The following UNC13C variants were observed in gnomAD, a reference collection of about 807,000 sequenced individuals.
The protein encoded by UNC13C is unc-13 homolog C.
In UNC13C, 174 loss-of-function variants were observed where a neutral mutation model predicts 245.4. The ratio of observed to expected loss-of-function variants is 0.71; its 90% confidence interval spans 0.63 to 0.80. UNC13C has a LOEUF of 0.80. UNC13C is among the 30% of genes least tolerant of loss of function. The pLI is 0.00. For missense variants in UNC13C, 2,829 were observed against 2,602.9 expected (o/e 1.09, Z -1.89); for synonymous variants, 992 against 895.1 (o/e 1.11, Z -1.93).
rs2040489044 is a variant in UNC13C at position 54,414,931 on chromosome 15, T to A, written c.4848-51T>A. 6.2e-6 allele frequency: 9 copies of A among 1,455,454 alleles called. No homozygotes were observed. In the Admixed American group the frequency reaches 1.5e-4, roughly 24 times the overall value. The allele number at this position is 1,455,454 out of a possible 1,614,324, so 90.2% of individuals were successfully genotyped here. A position where few individuals can be genotyped will look rare whatever the true frequency, so the allele number is the denominator to read the frequency against. On this transcript the variant is annotated intron_variant, in intron 18 of 32. Coordinates refer to ENST00000260323, the MANE Select transcript of UNC13C (RefSeq NM_001080534.3). The stretch of plus-strand genomic sequence containing the variant: ...ATATGTAAAATGCTGTATTTTGGTT[T>A]TTAGGCATGCTTTTCTTCTTCATAC...
At chr15:54,518,301 A>T (rs879733740) in intron 24 of UNC13C, among the ~76,000 whole-genome samples, 1 of 152,178 alleles carries the variant, frequency 6.6e-6, no homozygotes, top group African/African-American at 2.4e-5. Flanking sequence ...TTGGCGAGCC[A>T]TGTCAAAATG....
intron 2 of UNC13C, among the ~76,000 whole-genome samples, chr15:54,081,354 C>T (rs555552072): frequency 1.3e-5 from 2 of 152,066 alleles, no homozygotes; most frequent in South Asian, 4.1e-4. Flanking sequence ...TTAGCTTATG[C>T]TTTGATTATC....
At chr15:54,190,530 C>A (rs2034148818) in intron 4 of UNC13C, among the ~76,000 whole-genome samples, 1 of 151,878 alleles carries the variant, frequency 6.6e-6, no homozygotes, top group Admixed American at 6.6e-5. Flanking sequence ...CATTCTTCAC[C>A]CTTTTTTCAG....
chr15:54,119,137 T>G (rs2030486629), intron 2 of UNC13C, among the ~76,000 whole-genome samples: 1 of 152,086 alleles, frequency 6.6e-6, no homozygotes, highest in Admixed American at 6.6e-5. Context: ...GGTCCTGGGC[T>G]TTTCTTTGAT....
chr15:54,392,365 CTT>C (rs2039976935), intron 17 of UNC13C, among the ~76,000 whole-genome samples: 1 of 151,840 alleles, frequency 6.6e-6, no homozygotes, highest in East Asian at 1.9e-4. Flanking sequence ...GAGTTGAAGA[CTT>C]TGAGCAGTGT....
At chr15:54,548,827 A>C (rs1194676522) in intron 27 of UNC13C, among the ~76,000 whole-genome samples, 1 of 152,184 alleles carries the variant, frequency 6.6e-6, no homozygotes, top group Non-Finnish European at 1.5e-5. Flanking sequence ...TCATTCATTA[A>C]ATAAATATTC....
At chr15:54,396,510 T>TA (rs2040072930) in intron 18 of UNC13C, among the ~76,000 whole-genome samples, 2 of 151,790 alleles carry the variant, frequency 1.3e-5, no homozygotes, top group South Asian at 4.1e-4. Context: ...TACCACAATA[T>TA]GTTTATTCAT....
the UNC13C span, among the ~76,000 whole-genome samples, chr15:53,920,276 TAAA>T: frequency 3.3e-5 from 5 of 152,132 alleles, no homozygotes; most frequent in African/African-American, 1.2e-4. Context: ...GTCATCAACT[TAAA>T]AAAGCAGAAT....
the UNC13C span, among the ~76,000 whole-genome samples, chr15:53,928,193 G>A: frequency 6.6e-6 from 1 of 152,152 alleles, no homozygotes; most frequent in African/African-American, 2.4e-5. Context: ...GCCCCGAACA[G>A]AGATATACCC....
chr15:54,399,347 G>A (rs1005804089), intron 18 of UNC13C, among the ~76,000 whole-genome samples: 2 of 151,674 alleles, frequency 1.3e-5, no homozygotes, highest in African/African-American at 2.4e-5. Context: ...AATACATAAT[G>A]TAGAGAAGTT....
At chr15:54,273,793 T>G (rs2036756170) in intron 10 of UNC13C, among the ~76,000 whole-genome samples, 1 of 152,132 alleles carries the variant, frequency 6.6e-6, no homozygotes, top group South Asian at 2.1e-4. Context: ...GTTCATTCCC[T>G]CACTTCTTGG....
At chr15:54,387,576 C>G (rs2039865509) in intron 17 of UNC13C, among the ~76,000 whole-genome samples, 2 of 152,046 alleles carry the variant, frequency 1.3e-5, no homozygotes, top group African/African-American at 4.8e-5. Flanking sequence ...AGAACAAGTC[C>G]TGCTGATCTC....
chr15:54,038,105 T>C (rs1268059465), intron 2 of UNC13C, among the ~76,000 whole-genome samples: 4 of 41,068 alleles, frequency 9.7e-5, no homozygotes, highest in Admixed American at 8.3e-4. Context: ...TATACATATA[T>C]ATATATATAT....
At position 54,090,143 on chromosome 15, in the gene UNC13C, T is replaced by G. The variant is rs920712893; in HGVS notation, c.2984-52875T>G. Among the ~76,000 whole-genome samples, 8 of 152,304 alleles carry G rather than the reference T, an allele frequency of 5.3e-5. No individual in the cohort carries two copies. In the Middle Eastern group the frequency reaches 0.01, roughly 194 times the overall value. ...ATAATTTTGTGCTTGCCAAAGGGAA[T>G]CAGCTTCCTGAAAATGGAACCACTT... On this transcript the variant is annotated intron_variant, in intron 2 of 32. Transcript: ENST00000260323.
At chr15:54,460,633 A>G (rs1041219238) in intron 19 of UNC13C, among the ~76,000 whole-genome samples, 3 of 152,246 alleles carry the variant, frequency 2.0e-5, no homozygotes, top group Non-Finnish European at 2.9e-5. Flanking sequence ...GGCAATGGGC[A>G]GGGTCATAGA....
At chr15:54,002,178 C>G (rs1384818263) in intron 1 of UNC13C, among the ~76,000 whole-genome samples, 1 of 151,914 alleles carries the variant, frequency 6.6e-6, no homozygotes, top group African/African-American at 2.4e-5. Flanking sequence ...CCCAGCTACT[C>G]GGGAGGCTGA....
intron 19 of UNC13C, among the ~76,000 whole-genome samples, chr15:54,462,832 G>T (rs1302038631): frequency 6.6e-6 from 1 of 152,178 alleles, no homozygotes; most frequent in Non-Finnish European, 1.5e-5. Context: ...GGGCTGAGGA[G>T]TGCAGGCATG....
chr15:54,211,585 C>A (rs1244404438), intron 4 of UNC13C, among the ~76,000 whole-genome samples: 1 of 151,986 alleles, frequency 6.6e-6, no homozygotes, highest in African/African-American at 2.4e-5. Flanking sequence ...TCATCTAGAA[C>A]CGTGGGCTAG....
chr15:54,027,125 G>T (rs1312378396), intron 2 of UNC13C, among the ~76,000 whole-genome samples: 1 of 150,484 alleles, frequency 6.6e-6, no homozygotes, highest in Non-Finnish European at 1.5e-5. Flanking sequence ...AATAGCATGA[G>T]CCACGTTCTA....
Sources: allele counts gnomAD v4.1 joint callset (sites outside exome capture counted in the v4.1 genomes callset), GRCh38; gene constraint gnomAD v4.1.1; transcripts MANE v1.5; gene names NCBI Gene and HGNC (gene_info 2026-07-23, HGNC 2026-07-21).